The following DNAAF11 variants were observed in gnomAD, a reference collection of about 807,000 sequenced individuals.
DNAAF11 encodes the protein leucine rich repeat containing 6.
A neutral mutation model predicts 60.8 loss-of-function variants in DNAAF11; 45 were observed. The ratio of observed to expected loss-of-function variants is 0.74; its 90% CI spans 0.58 to 0.95. The LOEUF is 0.95. Ranked by LOEUF, DNAAF11 falls within the 40% of genes least tolerant of loss-of-function variation. The pLI, the probability that DNAAF11 is intolerant of heterozygous loss-of-function variation, is 0.00. For missense variants in DNAAF11, 546 were observed against 546.2 expected (o/e 1.00, Z 0.00); for synonymous variants, 191 against 183.5 (o/e 1.04, Z -0.33).
intron 11 of DNAAF11, among the ~76,000 whole-genome samples, chr8:132,579,520 G>A (rs1043945392): frequency 1.2e-4 from 19 of 152,068 alleles, no homozygotes; most frequent in African/African-American, 1.9e-4. Context: ...GTATGTTTCC[G>A]GAGTGGGGAA....
At chr8:132,674,343 T>TC (rs1043206418) in intron 1 of DNAAF11, among the ~76,000 whole-genome samples, 36 of 151,378 alleles carry the variant, frequency 2.4e-4, no homozygotes, top group African/African-American at 6.8e-4. Flanking sequence ...TACAAATCAC[T>TC]CCCCCCCGAC....
At chr8:132,694,132 G>T in the DNAAF11 span, among the ~76,000 whole-genome samples, 4 of 152,132 alleles carry the variant, frequency 2.6e-5, no homozygotes. Context: ...TGGTAAGCAG[G>T]GGTAAGCTAT....
the DNAAF11 span, among the ~76,000 whole-genome samples, chr8:132,693,083 G>C: frequency 6.6e-6 from 1 of 152,034 alleles, no homozygotes; most frequent in South Asian, 2.1e-4. Flanking sequence ...AGGTGGGGAC[G>C]AAGAATGCAG....
At chr8:132,640,194 C>T (rs1821719039) in intron 3 of DNAAF11, among the ~76,000 whole-genome samples, 1 of 152,196 alleles carries the variant, frequency 6.6e-6, no homozygotes, top group Non-Finnish European at 1.5e-5. Context: ...ATCTTGGTAA[C>T]AGCGATACTA....
intron 10 of DNAAF11, among the ~76,000 whole-genome samples, chr8:132,602,756 T>C (rs927621386): frequency 1.7e-4 from 25 of 150,394 alleles, no homozygotes; most frequent in Non-Finnish European, 3.1e-4. Context: ...TATATATATA[T>C]ATATATATAT....
chr8:132,662,882 A>G (rs1824270519), intron 1 of DNAAF11, among the ~76,000 whole-genome samples: 1 of 152,204 alleles, frequency 6.6e-6, no homozygotes, highest in South Asian at 2.1e-4. Flanking sequence ...CACATCCTTA[A>G]AAGTGGAATT....
chr8:132,612,512 C>T (rs1160015846), intron 8 of DNAAF11, among the ~76,000 whole-genome samples: 1 of 152,134 alleles, frequency 6.6e-6, no homozygotes, highest in East Asian at 1.9e-4. Context: ...GCTCACGTCT[C>T]CCCCTTTCCC....
At chr8:132,643,429 G>A (rs1337853604) in intron 3 of DNAAF11, 2 of 336,040 alleles carry the variant, frequency 6.0e-6, no homozygotes, top group African/African-American at 4.3e-5. Flanking sequence ...GAAGAAGGCA[G>A]GAGGAGGCAG....
chr8:132,592,273 A>G (rs1426030513), intron 10 of DNAAF11, among the ~76,000 whole-genome samples: 2 of 152,226 alleles, frequency 1.3e-5, no homozygotes, highest in East Asian at 1.9e-4. Context: ...AGCTTGCTGT[A>G]GGAGCATTGT....
Position 132,611,309 on chromosome 8 carries a change from T to C in DNAAF11, c.1029A>G (p.Val343=), listed in dbSNP as rs778524034. The C allele has an allele frequency of 3.7e-6, 6 of 1,611,426 alleles. No homozygotes were observed. The South Asian group carries it at 6.6e-5, about 18-fold the overall frequency. Residue 343 remains valine, a synonymous_variant, in exon 9 of 12, where the codon GTA becomes GTG. Transcript: ENST00000620350. ...DVDVQPTYVR[V]MIKGKPFQLV... is the part of the protein sequence containing the mutation. ...TTCTACTTACCTTTCCTTTGATCAT[T>C]ACTCGCACGTAAGTTGGTTGCACAT...
intron 1 of DNAAF11, among the ~76,000 whole-genome samples, chr8:132,674,633 A>C (rs1490497939): frequency 6.6e-6 from 1 of 152,242 alleles, no homozygotes; most frequent in Non-Finnish European, 1.5e-5. Context: ...TCACGCCTGT[A>C]ATCGCAGCAC....
intron 3 of DNAAF11, among the ~76,000 whole-genome samples, chr8:132,656,494 G>A (rs553755692): frequency 7.2e-5 from 11 of 152,148 alleles, no homozygotes; most frequent in Admixed American, 4.6e-4. Context: ...TGGGGAGGAC[G>A]GAGTTTCGCT....
the DNAAF11 span, among the ~76,000 whole-genome samples, chr8:132,692,563 G>A: frequency 6.2e-4 from 95 of 152,276 alleles, no homozygotes; most frequent in Non-Finnish European, 1.1e-3. Context: ...ACAAATGCAC[G>A]CAGAACAAGT....
intron 10 of DNAAF11, among the ~76,000 whole-genome samples, chr8:132,592,549 T>C (rs547290633): frequency 1.3e-5 from 2 of 152,276 alleles, no homozygotes; most frequent in South Asian, 4.1e-4. Flanking sequence ...TAGGCTGTTT[T>C]AGCAATTAGG....
chr8:132,585,278 G>A (rs970513067), intron 10 of DNAAF11, among the ~76,000 whole-genome samples: 1 of 152,134 alleles, frequency 6.6e-6, no homozygotes, highest in African/African-American at 2.4e-5. Flanking sequence ...TTTACATGGT[G>A]CAGTTGTATA....
intron 9 of DNAAF11, among the ~76,000 whole-genome samples, chr8:132,610,511 G>A (rs984666643): frequency 6.6e-6 from 1 of 152,060 alleles, no homozygotes; most frequent in Admixed American, 6.5e-5. Context: ...AATTTATAGA[G>A]AAAGCCCTGT....
At chr8:132,625,121 A>G in intron 6 of DNAAF11, 151 bp downstream of exon 6, 1 of 529,760 alleles carries the variant, frequency 1.9e-6, no homozygotes, top group Non-Finnish European at 3.3e-6. Flanking sequence ...GTTAGCCAAT[A>G]CAATTCAACA....
chr8:132,650,508 A>G (rs1161210370), intron 3 of DNAAF11, among the ~76,000 whole-genome samples: 2 of 152,242 alleles, frequency 1.3e-5, no homozygotes, highest in Non-Finnish European at 2.9e-5. Context: ...CCTAGAACTT[A>G]AAGTACAATA....
At chr8:132,700,592 G>A in the DNAAF11 span, among the ~76,000 whole-genome samples, 1 of 152,068 alleles carries the variant, frequency 6.6e-6, no homozygotes, top group South Asian at 2.1e-4. Flanking sequence ...GGAGGCTGAG[G>A]CAGGAGGATT....
Sources: gnomAD v4.1 joint callset for allele counts (sites outside exome capture counted in the v4.1 genomes callset) on GRCh38, gnomAD v4.1.1 for gene constraint, MANE v1.5 for transcripts, NCBI Gene and HGNC (gene_info 2026-07-23, HGNC 2026-07-21) for gene names.